SDK2: variants seen among roughly 807,000 people sequenced by gnomAD.
The protein encoded by SDK2 is protein sidekick-2.
Under a neutral mutation model 253.9 loss-of-function variants are expected in SDK2, and 105 were observed. The ratio of observed to expected loss-of-function variants is 0.41; its 90% CI spans 0.35 to 0.49. The LOEUF (loss-of-function observed/expected upper bound fraction) is 0.49. Among genes scored for constraint, SDK2 ranks in the 20% least tolerant of loss-of-function variants. The pLI, the probability that SDK2 is intolerant of heterozygous loss-of-function variation, is 0.06. For missense variants in SDK2, 2,608 were observed against 3,003.0 expected, an observed-to-expected ratio of 0.87 and a Z score of 3.07; for synonymous variants, 1,249 against 1,234.9, an observed-to-expected ratio of 1.01 and a Z score of -0.24.
chr17:73,535,481 C>T (rs2044758518), intron 1 of SDK2, among the ~76,000 whole-genome samples: 1 of 152,200 alleles, frequency 6.6e-6, no homozygotes, highest in Non-Finnish European at 1.5e-5. Context: ...TCCTGGGGAA[C>T]ATAGACTGTT....
At chr17:73,429,557 C>T (rs1339647686) in intron 12 of SDK2, among the ~76,000 whole-genome samples, 3 of 152,212 alleles carry the variant, frequency 2.0e-5, no homozygotes, top group African/African-American at 7.2e-5. Context: ...GTCCAGTGGC[C>T]ACCAGATGGC....
chr17:73,501,567 C>G (rs1174728749), intron 2 of SDK2, among the ~76,000 whole-genome samples: 1 of 152,210 alleles, frequency 6.6e-6, no homozygotes, highest in African/African-American at 2.4e-5. Flanking sequence ...ACTGGGAATT[C>G]AAGGCTGGTT....
chr17:73,400,948 G>A (rs947073128), intron 21 of SDK2, 72 bp downstream of exon 21: 44 of 1,441,200 alleles, frequency 3.1e-5, no homozygotes, highest in Admixed American at 1.3e-4. Flanking sequence ...ACGCCCAGCC[G>A]ACAAGGGGCC....
chr17:73,573,967 C>T (rs1051630571), intron 1 of SDK2, among the ~76,000 whole-genome samples: 2 of 152,212 alleles, frequency 1.3e-5, no homozygotes, highest in Non-Finnish European at 2.9e-5. Context: ...ACCTCCCCGA[C>T]CATGAGGACC....
intron 3 of SDK2, among the ~76,000 whole-genome samples, chr17:73,469,656 G>T (rs2063629895): frequency 6.6e-6 from 1 of 152,158 alleles, no homozygotes; most frequent in South Asian, 2.1e-4. Context: ...TGTCTGGCCT[G>T]GTGTGGAGGG....
rs965560881 is a variant in SDK2, at chr17:73,414,627, G to A, written c.2484+17C>T. ...GATCTTAGGGCCTCCTCTTGGGTGA[G>A]GAGATGCCTCATGTACCTTGTAGCC... On this transcript the variant is annotated intron_variant, in intron 18 of 44. Transcript: ENST00000392650. 1 of 1,596,056 alleles carries A rather than the reference G, an allele frequency of 6.3e-7. No homozygotes were observed. Among genetic ancestry groups the A allele is most frequent in the Admixed American group, 1.7e-5 (1 of 59,956 alleles).
chr17:73,372,994 G>A lies in SDK2; in HGVS notation c.4981-4401C>T, dbSNP rs117192931. On this transcript the variant is annotated intron_variant, in intron 36 of 44. Transcript: ENST00000392650. The stretch of plus-strand genomic sequence containing the variant: ...TAGATCGTATTCAGCCTGCTTCACC[G>A]AAACGCTGTATCCTGGGACCTTCTC... 5.8e-3 allele frequency among the ~76,000 whole-genome samples: 882 copies of A among 152,190 alleles called. 5 individuals are homozygous for A. Among genetic ancestry groups the A allele is most frequent in the Non-Finnish European group, 9.7e-3 (658 of 68,024 alleles).
chr17:73,454,364 A>G (rs1172531879), intron 4 of SDK2, among the ~76,000 whole-genome samples: 2 of 152,238 alleles, frequency 1.3e-5, no homozygotes, highest in African/African-American at 4.8e-5. Context: ...GAATTAAAGA[A>G]CCTGACTCCG....
intron 1 of SDK2, among the ~76,000 whole-genome samples, chr17:73,603,224 G>A (rs533539331): frequency 1.2e-4 from 18 of 152,276 alleles, no homozygotes; most frequent in South Asian, 4.1e-4. Flanking sequence ...TCCAGGTCCC[G>A]GCCTCAGAGA....
In SDK2 at chr17:73,431,927, G is replaced by A. The variant is rs958126682; in HGVS notation, c.1313-258C>T. Among the ~76,000 whole-genome samples, 1 of 152,170 alleles carries A rather than the reference G, an allele frequency of 6.6e-6. No homozygotes were observed. On this transcript the variant is annotated intron_variant, in intron 10 of 44. Transcript: ENST00000392650. This position sits in a 1 kb window ranked among gnomAD's most constrained non-coding sequence, Gnocchi z 5.6. The stretch of plus-strand genomic sequence containing the variant: ...CAGGTCCCCTGATGCTCCTGTGCCC[G>A]CCACACCACGTGCCCTTCAACAGAG...
chr17:73,581,126 C>A (rs889242587), intron 1 of SDK2, among the ~76,000 whole-genome samples: 3 of 152,080 alleles, frequency 2.0e-5, no homozygotes, highest in Admixed American at 2.0e-4. Context: ...AGTGATCCAC[C>A]CACCTTGGCC....
Position 73,424,008 on chromosome 17 carries a change from G to A in SDK2, c.1668C>T (p.Ile556=). ...IRLDRNGSLH[I]SQTWSGDIGT... ...CGATGTCTCCCGACCACGTCTGTGA[G>A]ATGTGCAGGGAGCCGTTTCTGTCCA... The change falls in exon 13 of 45, where the codon ATC becomes ATT. Residue 556 remains isoleucine, a synonymous_variant. Transcript: ENST00000392650. The A allele has an allele frequency of 6.2e-7, 1 of 1,612,284 alleles. No homozygotes were observed. Among genetic ancestry groups the A allele is most frequent in the Non-Finnish European group, 8.5e-7 (1 of 1,179,392 alleles).
intron 12 of SDK2, among the ~76,000 whole-genome samples, chr17:73,429,782 C>T (rs1412965135): frequency 1.3e-5 from 2 of 152,246 alleles, no homozygotes; most frequent in Admixed American, 1.3e-4. Flanking sequence ...ACAATCTCCT[C>T]CTGGTTTTAG....
chr17:73,605,194 C>T (rs1457089828), intron 1 of SDK2, among the ~76,000 whole-genome samples: 1 of 152,004 alleles, frequency 6.6e-6, no homozygotes, highest in Non-Finnish European at 1.5e-5. Context: ...GAAAGAGTGA[C>T]GGCCCCTTCA....
At chr17:73,372,741 GA>G (rs1427285960) in intron 36 of SDK2, among the ~76,000 whole-genome samples, 7 of 150,404 alleles carry the variant, frequency 4.7e-5, no homozygotes, top group African/African-American at 1.7e-4. Context: ...ACTCTGTCTC[GA>G]AAAAAACAAA....
chr17:73,579,995 A>G (rs201674805), intron 1 of SDK2, among the ~76,000 whole-genome samples: 20,718 of 151,332 alleles, frequency 0.14, 1,691 homozygotes, highest in East Asian at 0.31. Flanking sequence ...AAAAAAGAAA[A>G]AAAAAAAAAA....
chr17:73,569,740 G>A (rs536217479), intron 1 of SDK2, among the ~76,000 whole-genome samples: 21 of 151,910 alleles, frequency 1.4e-4, no homozygotes, highest in Admixed American at 5.9e-4. Flanking sequence ...AAGATCAGAC[G>A]AGAAAAGAAA....
chr17:73,625,131 G>T (rs1024208787), intron 1 of SDK2, among the ~76,000 whole-genome samples: 1 of 152,152 alleles, frequency 6.6e-6, no homozygotes, highest in African/African-American at 2.4e-5. Flanking sequence ...CAAGACCATG[G>T]TAATTTGAAC....
chr17:73,508,550 G>A (rs914289217), intron 1 of SDK2, among the ~76,000 whole-genome samples: 1 of 152,216 alleles, frequency 6.6e-6, no homozygotes. Context: ...CCAGCATCTG[G>A]TAACAATATC....
Sources: allele counts gnomAD v4.1 joint callset (sites outside exome capture counted in the v4.1 genomes callset), GRCh38; gene constraint gnomAD v4.1.1; non-coding constraint Gnocchi (gnomAD v3.1); transcripts MANE v1.5; gene names NCBI Gene and HGNC (gene_info 2026-07-23, HGNC 2026-07-21).